SLC2A9: variants seen among roughly 807,000 people sequenced by gnomAD.
SLC2A9 encodes the protein solute carrier family 2 member 9.
A neutral mutation model predicts 50.6 loss-of-function variants in SLC2A9; 39 were observed. The observed-to-expected ratio is 0.77, with a 90% CI of 0.60 to 1.01. SLC2A9 has a LOEUF of 1.01. Among genes scored for constraint, SLC2A9 ranks in the 50% least tolerant of loss-of-function variants. SLC2A9 has a pLI of 0.00. For missense variants in SLC2A9, 686 were observed against 677.6 expected (o/e 1.01, Z -0.14); for synonymous variants, 324 against 276.9 (o/e 1.17, Z -1.69).
intron 3 of SLC2A9, chr4:9,783,071 G>C (rs755998605): frequency 1.2e-6 from 2 of 1,614,176 alleles, no homozygotes; most frequent in South Asian, 1.1e-5. Flanking sequence ...CGTCTGGTTC[G>C]GCTGGGCTAA....
chr4:10,019,309 C>T (rs543877660), intron 1 of SLC2A9: 8 of 570,166 alleles, frequency 1.4e-5, no homozygotes, highest in Admixed American at 6.1e-5. Context: ...CCTTGCGTTC[C>T]TTCCGGGTTG....
At chr4:9,800,402 G>T (rs959521250) in intron 3 of SLC2A9, among the ~76,000 whole-genome samples, 1 of 152,326 alleles carries the variant, frequency 6.6e-6, no homozygotes. Flanking sequence ...TATGATGGGT[G>T]TCCTTATCAA....
At chr4:9,837,098 C>T (rs1421998382) in intron 10 of SLC2A9, among the ~76,000 whole-genome samples, 1 of 152,170 alleles carries the variant, frequency 6.6e-6, no homozygotes, top group Non-Finnish European at 1.5e-5. Context: ...GTCCCCTCAC[C>T]TCCCACTACA....
At chr4:9,945,909 C>T (rs1017827156) in intron 5 of SLC2A9, among the ~76,000 whole-genome samples, 2 of 152,210 alleles carry the variant, frequency 1.3e-5, no homozygotes, top group Non-Finnish European at 1.5e-5. Context: ...CACACTGGTC[C>T]CTTTCACAAA....
At chr4:9,825,357 A>C (rs1724965731), downstream of SLC2A9, among the ~76,000 whole-genome samples, 1 of 152,220 alleles carries the variant, frequency 6.6e-6, no homozygotes, top group Non-Finnish European at 1.5e-5. Flanking sequence ...GCAACAGTCA[A>C]GATGAGTAAT....
chr4:9,927,468 G>A (rs1745118586), intron 6 of SLC2A9, among the ~76,000 whole-genome samples: 1 of 152,248 alleles, frequency 6.6e-6, no homozygotes, highest in African/African-American at 2.4e-5. Context: ...GGATGAGACA[G>A]GCAAAGGGAC....
At chr4:9,786,694 C>T (rs543392254) in intron 3 of SLC2A9, among the ~76,000 whole-genome samples, 31 of 152,266 alleles carry the variant, frequency 2.0e-4, no homozygotes, top group Non-Finnish European at 1.0e-4. Flanking sequence ...CACAGAGGAC[C>T]TTGAGGACAA....
At chr4:9,865,332 A>C (rs1234074099) in intron 10 of SLC2A9, among the ~76,000 whole-genome samples, 1 of 152,238 alleles carries the variant, frequency 6.6e-6, no homozygotes. Flanking sequence ...GAAGTGCTGA[A>C]GTCGAGAGAC....
At chr4:9,929,042 A>G (rs1745415844) in intron 6 of SLC2A9, among the ~76,000 whole-genome samples, 1 of 152,196 alleles carries the variant, frequency 6.6e-6, no homozygotes, top group Admixed American at 6.5e-5. Flanking sequence ...CAGCCTTGTC[A>G]CCTGCTTCTG....
chr4:9,874,559 T>A (rs1002857158), intron 10 of SLC2A9, among the ~76,000 whole-genome samples: 3 of 152,232 alleles, frequency 2.0e-5, no homozygotes, highest in African/African-American at 7.2e-5. Flanking sequence ...TCAGAGGCCA[T>A]CTGGAGAACG....
chr4:9,997,975 T>A (rs983508123), intron 2 of SLC2A9, among the ~76,000 whole-genome samples: 1 of 152,078 alleles, frequency 6.6e-6, no homozygotes, highest in Non-Finnish European at 1.5e-5. Flanking sequence ...CAATTAAAAA[T>A]GAGCAAAAAT....
chr4:9,991,136 CA>C (rs1757644756), intron 3 of SLC2A9, among the ~76,000 whole-genome samples: 1 of 152,188 alleles, frequency 6.6e-6, no homozygotes, highest in Non-Finnish European at 1.5e-5. Flanking sequence ...AGAGCTCCCC[CA>C]AGTGAGGCTA....
intron 5 of SLC2A9, among the ~76,000 whole-genome samples, chr4:9,978,705 G>T (rs1755218993): frequency 6.6e-6 from 1 of 152,200 alleles, no homozygotes; most frequent in South Asian, 2.1e-4. Flanking sequence ...AATGTAAAAT[G>T]TGAGTTGTTT....
At chr4:9,810,815 C>T (rs779159491) in intron 3 of SLC2A9, among the ~76,000 whole-genome samples, 1 of 152,158 alleles carries the variant, frequency 6.6e-6, no homozygotes, top group Non-Finnish European at 1.5e-5. Context: ...AGCCTGTAAG[C>T]TGGGGCATTT....
intron 2 of SLC2A9, among the ~76,000 whole-genome samples, chr4:10,001,671 C>A (rs1462224433): frequency 2.6e-5 from 4 of 152,246 alleles, no homozygotes; most frequent in African/African-American, 9.6e-5. Context: ...GATTCCTGAG[C>A]CTTCATCAGG....
At chr4:9,808,575 C>T (rs997678389) in intron 3 of SLC2A9, among the ~76,000 whole-genome samples, 13 of 152,096 alleles carry the variant, frequency 8.5e-5, no homozygotes, top group African/African-American at 1.2e-4. Flanking sequence ...TCCAGCCTCT[C>T]GGGATAAATT....
intron 10 of SLC2A9, among the ~76,000 whole-genome samples, chr4:9,851,045 C>A (rs1238951334): frequency 6.6e-6 from 1 of 151,962 alleles, no homozygotes; most frequent in African/African-American, 2.4e-5. Context: ...AGGAACACCA[C>A]CACCCAACTC....
intron 8 of SLC2A9, among the ~76,000 whole-genome samples, chr4:9,893,039 G>A (rs1737818595): frequency 6.6e-6 from 1 of 152,284 alleles, no homozygotes; most frequent in South Asian, 2.1e-4. Context: ...CTTGTCCAGG[G>A]TCACATGGCT....
At chr4:9,783,041 G>A (rs866989959) in intron 3 of SLC2A9, 1 of 1,614,124 alleles carries the variant, frequency 6.2e-7, no homozygotes, top group African/African-American at 1.3e-5. Flanking sequence ...CTGCGTCAGT[G>A]AGACCACCTT....
Sources: gnomAD v4.1 joint callset for allele counts (sites outside exome capture counted in the v4.1 genomes callset) on GRCh38, gnomAD v4.1.1 for gene constraint, MANE v1.5 for transcripts, NCBI Gene and HGNC (gene_info 2026-07-23, HGNC 2026-07-21) for gene names.